The following KCNK13 variants were observed in gnomAD, a reference collection of about 807,000 sequenced individuals.
KCNK13 encodes the protein potassium channel subfamily K member 13.
KCNK13 carries 12 observed loss-of-function variants against 23.4 expected under a neutral mutation model. The ratio of observed to expected loss-of-function variants is 0.51; its 90% CI spans 0.33 to 0.83. The LOEUF (loss-of-function observed/expected upper bound fraction) is 0.83. KCNK13 is among the 40% of genes least tolerant of loss of function. KCNK13 has a pLI of 0.02. For synonymous variants in KCNK13, 231 were observed against 229.5 expected (o/e 1.01, Z -0.06); for missense variants, 463 against 556.3 (o/e 0.83, Z 1.69).
At chr14:90,088,604 C>G (rs981029895) in intron 1 of KCNK13, among the ~76,000 whole-genome samples, 1 of 152,176 alleles carries the variant, frequency 6.6e-6, no homozygotes, top group African/African-American at 2.4e-5. Flanking sequence ...TTTCTGATTT[C>G]TCTTGGGAAA....
At chr14:90,119,991 TG>T (rs1319336322) in intron 1 of KCNK13, among the ~76,000 whole-genome samples, 1 of 152,172 alleles carries the variant, frequency 6.6e-6, no homozygotes, top group Non-Finnish European at 1.5e-5. Context: ...AGGAGTTTTT[TG>T]TACAAATTAT....
chr14:90,158,253 C>T (rs1890216918), intron 1 of KCNK13, among the ~76,000 whole-genome samples: 1 of 152,238 alleles, frequency 6.6e-6, no homozygotes, highest in Non-Finnish European at 1.5e-5. Context: ...TCCATCTACC[C>T]TGACAAGACA....
intron 1 of KCNK13, among the ~76,000 whole-genome samples, chr14:90,078,728 C>A (rs565662984): frequency 6.6e-6 from 1 of 152,064 alleles, no homozygotes; most frequent in Admixed American, 6.5e-5. Flanking sequence ...ACCGAGCTCC[C>A]GGAGCTGATA....
At chr14:90,077,146 T>G (rs1889148102) in intron 1 of KCNK13, among the ~76,000 whole-genome samples, 1 of 126,166 alleles carries the variant, frequency 7.9e-6, no homozygotes, top group South Asian at 2.6e-4. Context: ...TTAGACGAAG[T>G]TTCTCTCTCA....
intron 1 of KCNK13, among the ~76,000 whole-genome samples, chr14:90,144,998 A>AGG (rs1327036926): frequency 7.2e-5 from 11 of 152,168 alleles, no homozygotes; most frequent in African/African-American, 2.7e-4. Flanking sequence ...GCTAAGAGTT[A>AGG]TCACCATGAA....
At chr14:90,170,531 T>C (rs896238754) in intron 1 of KCNK13, among the ~76,000 whole-genome samples, 1 of 152,076 alleles carries the variant, frequency 6.6e-6, no homozygotes, top group Non-Finnish European at 1.5e-5. Context: ...TTTTAAGAGA[T>C]TTATTTGCCA....
chr14:90,081,763 G>A (rs1889215533), intron 1 of KCNK13, among the ~76,000 whole-genome samples: 1 of 152,116 alleles, frequency 6.6e-6, no homozygotes, highest in South Asian at 2.1e-4. Flanking sequence ...TTGTCCCCAC[G>A]ATAACTCATG....
Position 90,062,067 on chromosome 14 carries a change from C to G in KCNK13, c.-139C>G, listed in dbSNP as rs1283758773. ...GGGAGCCTCGCGGCCTGCGGGAGAGCCCGGCGGTCATGGGCGAGCCGGCGG... is the reference window on the plus strand; with the variant it reads ...GGGAGCCTCGCGGCCTGCGGGAGAGGCCGGCGGTCATGGGCGAGCCGGCGG... On this transcript the variant is annotated 5_prime_UTR_variant, in exon 1 of 2. Transcript: ENST00000282146. The surrounding 1 kb of genome is among the most constrained non-coding windows in gnomAD (Gnocchi z 4.5). The G allele has an allele frequency of 2.0e-6, 1 of 500,520 alleles. No homozygotes were observed. Among genetic ancestry groups the G allele is most frequent in the African/African-American group, 2.0e-5 (1 of 49,802 alleles). The allele number at this position is 500,520 out of a possible 1,614,324, so 31.0% of individuals were successfully genotyped here. A position where few individuals can be genotyped will look rare whatever the true frequency, so the allele number is the denominator to read the frequency against.
intron 1 of KCNK13, among the ~76,000 whole-genome samples, chr14:90,167,712 G>C (rs936038976): frequency 6.6e-6 from 1 of 152,132 alleles, no homozygotes; most frequent in Non-Finnish European, 1.5e-5. Context: ...AAGCTGGTTC[G>C]GAAGTGACTG....
At chr14:90,140,155 C>T (rs1889988466) in intron 1 of KCNK13, among the ~76,000 whole-genome samples, 1 of 151,958 alleles carries the variant, frequency 6.6e-6, no homozygotes, top group Non-Finnish European at 1.5e-5. Flanking sequence ...TAAAACAGGC[C>T]CCTTGGCTTT....
At chr14:90,116,103 G>A (rs1285213334) in intron 1 of KCNK13, among the ~76,000 whole-genome samples, 4 of 152,150 alleles carry the variant, frequency 2.6e-5, no homozygotes, top group Admixed American at 6.5e-5. Flanking sequence ...ATACTGTCAA[G>A]GATATAAATC....
intron 1 of KCNK13, among the ~76,000 whole-genome samples, chr14:90,154,050 T>G (rs956138470): frequency 7.2e-5 from 11 of 152,180 alleles, no homozygotes; most frequent in African/African-American, 2.7e-4. Context: ...ATGCTCTGAC[T>G]TCAGTCAGGA....
At chr14:90,125,485 A>G (rs1889786911) in intron 1 of KCNK13, among the ~76,000 whole-genome samples, 1 of 151,958 alleles carries the variant, frequency 6.6e-6, no homozygotes. Context: ...GGCCTCCCAA[A>G]GTTCTGGGAT....
chr14:90,106,199 G>A (rs954133267), intron 1 of KCNK13, among the ~76,000 whole-genome samples: 2 of 152,172 alleles, frequency 1.3e-5, no homozygotes, highest in African/African-American at 4.8e-5. Context: ...AGGCCTCACA[G>A]TAAACACAGA....
At chr14:90,096,042 T>C (rs900211260) in intron 1 of KCNK13, among the ~76,000 whole-genome samples, 1 of 152,194 alleles carries the variant, frequency 6.6e-6, no homozygotes, top group South Asian at 2.1e-4. Flanking sequence ...ATAACACCTA[T>C]AGGAAGAGGT....
intron 1 of KCNK13, among the ~76,000 whole-genome samples, chr14:90,162,889 G>A (rs568496347): frequency 5.3e-5 from 8 of 152,230 alleles, no homozygotes; most frequent in Middle Eastern, 3.4e-3. Context: ...AAGGGTTAAC[G>A]TTCTTAAAAA....
intron 1 of KCNK13, among the ~76,000 whole-genome samples, chr14:90,128,902 G>A (rs144108501): frequency 1.6e-3 from 247 of 152,226 alleles, no homozygotes; most frequent in Non-Finnish European, 2.8e-3. Context: ...CGTCCCCACC[G>A]CCAACCTGAG....
At chr14:90,146,778 A>G (rs1232178483) in intron 1 of KCNK13, among the ~76,000 whole-genome samples, 3 of 152,156 alleles carry the variant, frequency 2.0e-5, no homozygotes, top group South Asian at 4.2e-4. Flanking sequence ...TAATATGTTT[A>G]TTGGTATGAT....
chr14:90,175,843 C>T (rs1168770152), intron 1 of KCNK13, among the ~76,000 whole-genome samples: 4 of 152,176 alleles, frequency 2.6e-5, no homozygotes, highest in Non-Finnish European at 5.9e-5. Context: ...GGGCTTTACT[C>T]AGTACCTGGC....
Sources: allele counts gnomAD v4.1 joint callset (sites outside exome capture counted in the v4.1 genomes callset), GRCh38; gene constraint gnomAD v4.1.1; non-coding constraint Gnocchi (gnomAD v3.1); transcripts MANE v1.5; gene names NCBI Gene and HGNC (gene_info 2026-07-23, HGNC 2026-07-21).